Variants in RDH13 observed in about 807,000 individuals in gnomAD.
The protein encoded by RDH13 is retinol dehydrogenase 13 (all-trans and 9-cis).
RDH13 carries 35 observed loss-of-function variants against 28.3 expected under a neutral mutation model. That is an observed-to-expected ratio of 1.24 (90% CI 0.95 to 1.64). The LOEUF is 1.64. RDH13 is among the 40% of genes most tolerant of loss of function. The pLI is 0.00. For missense variants in RDH13, 514 were observed against 446.3 expected, an observed-to-expected ratio of 1.15 and a Z score of -1.37; for synonymous variants, 229 against 198.5, an observed-to-expected ratio of 1.15 and a Z score of -1.29.
At chr19:55,046,975 G>A (rs540700497) in intron 6 of RDH13, 11 of 269,502 alleles carry the variant, frequency 4.1e-5, no homozygotes, top group African/African-American at 1.6e-4. Flanking sequence ...GGAAGGTCTC[G>A]TATAACCCCC....
chr19:55,050,488 A>G (rs1448226518), intron 3 of RDH13, among the ~76,000 whole-genome samples: 1 of 151,874 alleles, frequency 6.6e-6, no homozygotes, highest in Non-Finnish European at 1.5e-5. Flanking sequence ...CAGTGGCGCA[A>G]TCACTGCTCA....
At chr19:55,054,173 C>T (rs1360686687) in intron 3 of RDH13, among the ~76,000 whole-genome samples, 2 of 152,214 alleles carry the variant, frequency 1.3e-5, no homozygotes, top group Non-Finnish European at 1.5e-5. Context: ...GGTCTGAGAT[C>T]ACGTCTGCTA....
At chr19:55,055,937 G>A (rs966066592) in intron 3 of RDH13, among the ~76,000 whole-genome samples, 4 of 152,004 alleles carry the variant, frequency 2.6e-5, no homozygotes, top group Non-Finnish European at 5.9e-5. Context: ...CAGATCACCT[G>A]AGGTCAGGAG....
rs1025630112 is a variant in RDH13 at position 55,044,924 on chromosome 19, G to C, written c.*150C>G. The C allele has an allele frequency of 1.1e-5, 7 of 616,254 alleles. No homozygotes were observed. In the South Asian group the frequency reaches 1.4e-4, roughly 12 times the overall value. The allele number at this position is 616,254 out of a possible 1,614,324, so 38.2% of individuals were successfully genotyped here. On this transcript the variant is annotated 3_prime_UTR_variant, in exon 7 of 7. Transcript: ENST00000415061. Reference sequence around the variant, plus strand: ...GCTCACCTGCAGGCCAGTCCACTGCGGCCAGCACCGCCCCCTAGAACCTAC... The same window carrying C: ...GCTCACCTGCAGGCCAGTCCACTGCCGCCAGCACCGCCCCCTAGAACCTAC...
upstream of RDH13, chr19:55,067,248 G>A (rs1189395685): frequency 2.6e-5 from 4 of 152,236 alleles, no homozygotes; most frequent in African/African-American, 9.7e-5. Context: ...CCTGCAAGCT[G>A]AGCAGACACC....
At chr19:55,058,139 T>C (rs2075696699) in intron 2 of RDH13, among the ~76,000 whole-genome samples, 1 of 151,856 alleles carries the variant, frequency 6.6e-6, no homozygotes, top group African/African-American at 2.4e-5. Flanking sequence ...GGGCCGGGCA[T>C]GGTGGCTCAC....
At chr19:55,063,923 TGCACTGCTCACA>T (rs2075889676), upstream of RDH13, 2 of 152,500 alleles carry the variant, frequency 1.3e-5, no homozygotes, top group African/African-American at 4.8e-5. Flanking sequence ...TGCTTCCCCT[TGCACTGCTCACA>T]GCGAGTGTAT....
In RDH13 at chr19:55,058,683, T is replaced by C. The variant is rs575372613; in HGVS notation, c.184+474A>G. Among the ~76,000 whole-genome samples, 47 of 150,828 alleles carry C rather than the reference T, an allele frequency of 3.1e-4. 1 individual carries two copies. In the South Asian group the frequency reaches 3.3e-3, roughly 11 times the overall value. ...TGTTTCAATGCCCTTTTTTTTGTTTTGCTTTGTTTTGTTTTGTTTTTGAGT... is the reference window on the plus strand; with the variant it reads ...TGTTTCAATGCCCTTTTTTTTGTTTCGCTTTGTTTTGTTTTGTTTTTGAGT... On this transcript the variant is annotated intron_variant, in intron 2 of 6. Coordinates refer to ENST00000415061, the MANE Select transcript of RDH13 (RefSeq NM_001145971.2).
chr19:55,052,063 C>CTTTTTTTT (rs111427426), intron 3 of RDH13, among the ~76,000 whole-genome samples: 2 of 120,780 alleles, frequency 1.7e-5, no homozygotes, highest in African/African-American at 3.4e-5. Flanking sequence ...ACTGCCTCAA[C>CTTTTTTTT]TTTTTTTTTT....
At position 55,059,282 on chromosome 19, in the gene RDH13, G is replaced by T. The variant is rs375991167; in HGVS notation, c.66-7C>A. ...CCCACCGGTGACATAGTCCCTGAGG[G>T]TGAGAAGCGGCACGGTCAGTCCTGT... On this transcript the variant is annotated splice_polypyrimidine_tract_variant and splice_region_variant and intron_variant, in intron 1 of 6. Transcript: ENST00000415061. 2 of 1,570,002 alleles carry T rather than the reference G, an allele frequency of 1.3e-6. No homozygotes were observed. The highest frequency in any genetic ancestry group is 1.8e-5 in the Admixed American group (1 of 55,444).
At chr19:55,066,170 C>T (rs942414021), upstream of RDH13, among the ~76,000 whole-genome samples, 2 of 152,156 alleles carry the variant, frequency 1.3e-5, no homozygotes, top group African/African-American at 2.4e-5. Context: ...CTACCTGATT[C>T]CCAGACACAC....
intron 2 of RDH13, among the ~76,000 whole-genome samples, chr19:55,057,645 C>T (rs892971407): frequency 6.6e-6 from 1 of 151,858 alleles, no homozygotes; most frequent in East Asian, 1.9e-4. Flanking sequence ...ACCATGTTAG[C>T]CAAGCTAGTC....
At chr19:55,065,604 T>C (rs1427198264), upstream of RDH13, among the ~76,000 whole-genome samples, 2 of 151,670 alleles carry the variant, frequency 1.3e-5, no homozygotes, top group African/African-American at 4.8e-5. Context: ...ATCCACACAG[T>C]GGCTGTTGCA....
intron 3 of RDH13, among the ~76,000 whole-genome samples, chr19:55,052,906 C>A (rs750449835): frequency 9.9e-5 from 15 of 152,094 alleles, no homozygotes; most frequent in Non-Finnish European, 2.1e-4. Flanking sequence ...TTGTGATCCG[C>A]CCGCCTCAGC....
At chr19:55,049,758 C>A (rs1375636901) in intron 3 of RDH13, among the ~76,000 whole-genome samples, 1 of 147,822 alleles carries the variant, frequency 6.8e-6, no homozygotes, top group East Asian at 2.0e-4. Context: ...CATTACACTC[C>A]ATCCTGGGCA....
intron 2 of RDH13, among the ~76,000 whole-genome samples, chr19:55,058,399 A>C (rs1459951125): frequency 2.0e-5 from 3 of 151,926 alleles, no homozygotes; most frequent in Admixed American, 2.0e-4. Context: ...AAAAAAAAAA[A>C]AACAATAATA....
Position 55,056,648 on chromosome 19 carries a change from C to T in RDH13, c.340+5G>A, listed in dbSNP as rs769605775. On this transcript the variant is annotated splice_donor_5th_base_variant and intron_variant, in intron 3 of 6. Coordinates refer to ENST00000415061, the MANE Select transcript of RDH13 (RefSeq NM_001145971.2). ...CCTCATCCCACATGGCCAGCGTTCT[C>T]CTACCTTCAATGATCTTTGCTGCAA... The T allele has an allele frequency of 1.9e-6, 3 of 1,611,310 alleles. No homozygotes were observed. Among genetic ancestry groups the T allele is most frequent in the South Asian group, 2.2e-5 (2 of 91,012 alleles).
chr19:55,050,453 T>C (rs1202613867), intron 3 of RDH13, among the ~76,000 whole-genome samples: 3 of 151,984 alleles, frequency 2.0e-5, no homozygotes, highest in Non-Finnish European at 4.4e-5. Context: ...AGACAGGGTC[T>C]CCCTCTGACA....
intron 3 of RDH13, among the ~76,000 whole-genome samples, chr19:55,052,897 T>C (rs965159771): frequency 5.9e-5 from 9 of 151,510 alleles, no homozygotes; most frequent in Non-Finnish European, 1.3e-4. Context: ...CTCCTGACCT[T>C]GTGATCCGCC....
Sources: gnomAD v4.1 joint callset for allele counts (sites outside exome capture counted in the v4.1 genomes callset) on GRCh38, gnomAD v4.1.1 for gene constraint, MANE v1.5 for transcripts, NCBI Gene and HGNC (gene_info 2026-07-23, HGNC 2026-07-21) for gene names.